The following MAP4 variants were observed in gnomAD, a reference collection of about 807,000 sequenced individuals.
The protein encoded by MAP4 is microtubule associated protein 4, also known as microtubule-associated protein 4.
MAP4 carries 76 observed loss-of-function variants against 170.2 expected under a neutral mutation model. The observed-to-expected ratio is 0.45, with a 90% CI of 0.37 to 0.54. The LOEUF is 0.54. Among genes scored for constraint, MAP4 ranks in the 20% least tolerant of loss-of-function variants. MAP4 has a pLI of 0.00. For synonymous variants in MAP4, 909 were observed against 994.5 expected (o/e 0.91, Z 1.62); for missense variants, 2,506 against 2,748.0 (o/e 0.91, Z 1.97).
intron 3 of MAP4, among the ~76,000 whole-genome samples, chr3:47,952,295 T>G (rs1390853882): frequency 7.1e-6 from 1 of 139,938 alleles, no homozygotes; most frequent in East Asian, 2.2e-4. Context: ...AGCCGCCCCA[T>G]CCGGGAGGGA....
At chr3:47,926,869 T>C (rs546335111) in intron 4 of MAP4, among the ~76,000 whole-genome samples, 1 of 152,020 alleles carries the variant, frequency 6.6e-6, no homozygotes, top group Non-Finnish European at 1.5e-5. Context: ...AACTGTATGG[T>C]ACTGTGAATT....
intron 2 of MAP4, among the ~76,000 whole-genome samples, chr3:47,997,754 G>A (rs533987081): frequency 6.6e-6 from 1 of 151,402 alleles, no homozygotes; most frequent in Non-Finnish European, 1.5e-5. Context: ...CAAATTACTA[G>A]TATAAGAAAT....
chr3:47,862,485 T>C (rs1347192550), intron 17 of MAP4, among the ~76,000 whole-genome samples: 2 of 151,980 alleles, frequency 1.3e-5, no homozygotes, highest in Non-Finnish European at 2.9e-5. Flanking sequence ...TTTTTTCCTT[T>C]TTTTTTTGTT....
At chr3:48,034,791 T>C (rs556570716) in intron 1 of MAP4, among the ~76,000 whole-genome samples, 58 of 152,086 alleles carry the variant, frequency 3.8e-4, no homozygotes, top group Non-Finnish European at 5.7e-4. Flanking sequence ...GGTGGGAGGA[T>C]TGCTTGAGTC....
chr3:47,956,465 G>A (rs1162665889), intron 3 of MAP4, among the ~76,000 whole-genome samples: 1 of 152,208 alleles, frequency 6.6e-6, no homozygotes, highest in East Asian at 1.9e-4. Flanking sequence ...TTCCTTCAGA[G>A]GGCAGAACGT....
chr3:47,862,051 C>T (rs532931676), intron 17 of MAP4, among the ~76,000 whole-genome samples: 1 of 150,740 alleles, frequency 6.6e-6, no homozygotes, highest in East Asian at 2.0e-4. Context: ...GTCCCAGCTA[C>T]TCAGGAGGCT....
At chr3:47,930,194 C>T (rs1278470434) in intron 3 of MAP4, among the ~76,000 whole-genome samples, 1 of 151,896 alleles carries the variant, frequency 6.6e-6, no homozygotes, top group African/African-American at 2.4e-5. Context: ...GCCTGTAATC[C>T]CAGCACTTTG....
intron 17 of MAP4, among the ~76,000 whole-genome samples, chr3:47,866,318 C>A (rs570643738): frequency 6.6e-6 from 1 of 151,252 alleles, no homozygotes; most frequent in African/African-American, 2.4e-5. Context: ...GCCTGGGCAA[C>A]AGAGTGAACT....
rs937376516 is a variant in MAP4 at position 47,912,129 on chromosome 3, T to C, written c.2292A>G (p.Thr764=). The change falls in exon 9 of 21, where the codon ACA becomes ACG. Residue 764 remains threonine, a synonymous_variant. Coordinates refer to ENST00000683076, the MANE Select transcript of MAP4 (RefSeq NM_001385682.1). ...LGREAWDIES[T]PIMMKKKKKK... is the part of the protein sequence containing the mutation. ...TCTTCTTTTTCTTCATCATTATTGG[T>C]GTGCTTTCTATATCCCAGGCCTCCC... 7.8e-6 allele frequency: 12 copies of C among 1,536,086 alleles called. No individual in the cohort carries two copies. In the African/African-American group the frequency reaches 1.5e-4, roughly 19 times the overall value.
intron 1 of MAP4, among the ~76,000 whole-genome samples, chr3:48,070,645 G>C (rs942847806): frequency 6.6e-6 from 1 of 151,652 alleles, no homozygotes; most frequent in African/African-American, 2.4e-5. Context: ...TTGTAGAACA[G>C]GTTGGAAGTG....
chr3:47,892,669 A>G, intron 10 of MAP4: 1 of 1,330,350 alleles, frequency 7.5e-7, no homozygotes, highest in Non-Finnish European at 9.6e-7. Context: ...ACAAATGTGA[A>G]AGAAAGAAAG....
At chr3:47,945,547 G>T (rs1252674343) in intron 3 of MAP4, among the ~76,000 whole-genome samples, 2 of 151,980 alleles carry the variant, frequency 1.3e-5, no homozygotes, top group South Asian at 2.1e-4. Context: ...ATGGAGAAAT[G>T]ATTGTAATTT....
In MAP4 at chr3:47,918,750, C is replaced by T. The variant is rs2100041116; in HGVS notation, c.621G>A (p.Glu207=). The change falls in exon 6 of 21, where the codon GAG becomes GAA. Residue 207 remains glutamate, a synonymous_variant. Transcript: ENST00000683076. ...TTGGCTGAGGAGGTTCTGCAACAGCCTCTGGGGAAACAAAGGACTCTGAGT... is the reference window on the plus strand; with the variant it reads ...TTGGCTGAGGAGGTTCTGCAACAGCTTCTGGGGAAACAAAGGACTCTGAGT... ...SPHSESFVSP[E]AVAEPPQPTA... is the part of the protein sequence containing the mutation. 6.2e-6 allele frequency: 10 copies of T among 1,611,706 alleles called. No homozygotes were observed. Among genetic ancestry groups the T allele is most frequent in the Non-Finnish European group, 8.5e-6 (10 of 1,178,044 alleles).
intron 3 of MAP4, among the ~76,000 whole-genome samples, chr3:47,975,861 C>T (rs943088473): frequency 2.0e-5 from 3 of 151,288 alleles, no homozygotes; most frequent in Admixed American, 1.3e-4. Flanking sequence ...GCGATCTCGG[C>T]TCACTGAAAC....
chr3:47,895,019 T>G (rs1430508448), intron 10 of MAP4, among the ~76,000 whole-genome samples: 1 of 132,322 alleles, frequency 7.6e-6, no homozygotes, highest in Admixed American at 7.3e-5. Flanking sequence ...GGAAACCCTG[T>G]CCAAAAAAAA....
Position 47,865,602 on chromosome 3 carries a change from G to A in MAP4, c.6501+1644C>T, listed in dbSNP as rs922677242. Among the ~76,000 whole-genome samples the A allele has an allele frequency of 5.3e-5, 8 of 152,202 alleles. No individual in the cohort carries two copies. The East Asian group carries it at 1.5e-3, about 29-fold the overall frequency. On this transcript the variant is annotated intron_variant, in intron 17 of 20. Coordinates refer to ENST00000683076, the MANE Select transcript of MAP4 (RefSeq NM_001385682.1). ...GGTATCTGTAGGCCATGGGCAGGATGTCATGATCACCAAGGAGGAGGCAGG... is the reference window on the plus strand; with the variant it reads ...GGTATCTGTAGGCCATGGGCAGGATATCATGATCACCAAGGAGGAGGCAGG...
Position 48,027,687 on chromosome 3 carries a change from A to C in MAP4, c.-19-28808T>G, listed in dbSNP as rs542798331. Among the ~76,000 whole-genome samples, 150 of 152,258 alleles carry C rather than the reference A, an allele frequency of 9.9e-4. 1 individual carries two copies. Among genetic ancestry groups the C allele is most frequent in the African/African-American group, 3.2e-3 (132 of 41,548 alleles). On this transcript the variant is annotated intron_variant, in intron 1 of 18. Coordinates refer to the MAP4 transcript ENST00000360240. ...CAGTGAAACTCCGTGTCTACAAAAA[A>C]TAAAAAAAATTAGCCGAGCATGCAC... is the stretch of plus-strand genomic sequence containing the variant.
Position 47,877,120 on chromosome 3 carries a change from G to A in MAP4, c.5541+297C>T, listed in dbSNP as rs1210337373. On this transcript the variant is annotated intron_variant, in intron 11 of 20. Transcript: ENST00000683076. The stretch of plus-strand genomic sequence containing the variant: ...TGGTCTCCATCTCCTGATGTGATCC[G>A]CCCGCCTTGGCCTCCCAAAGTGCTG... The A allele has an allele frequency of 3.5e-5, 9 of 256,054 alleles. 1 individual carries two copies. Among genetic ancestry groups the A allele is most frequent in the Admixed American group, 3.4e-4 (7 of 20,820 alleles). The allele number at this position is 256,054 out of a possible 1,614,324, so 15.9% of individuals were successfully genotyped here.
chr3:47,868,964 AT>A (rs2085727605), intron 16 of MAP4, among the ~76,000 whole-genome samples: 1 of 152,228 alleles, frequency 6.6e-6, no homozygotes. Flanking sequence ...GATCCATTTT[AT>A]CCAGCCAAAA....
Sources: gnomAD v4.1 joint callset for allele counts (sites outside exome capture counted in the v4.1 genomes callset) on GRCh38, gnomAD v4.1.1 for gene constraint, MANE v1.5 for transcripts, NCBI Gene and HGNC (gene_info 2026-07-23, HGNC 2026-07-21) for gene names.